SHISAL1: variants seen among roughly 807,000 people sequenced by gnomAD.
SHISAL1 encodes shisa like 1.
Under a neutral mutation model 22.6 loss-of-function variants are expected in SHISAL1, and 9 were observed. That is an observed-to-expected ratio of 0.40 (90% CI 0.24 to 0.70). The LOEUF is 0.70. Among genes scored for constraint, SHISAL1 ranks in the 30% least tolerant of loss-of-function variants. The pLI, the probability that SHISAL1 is intolerant of heterozygous loss-of-function variation, is 0.39. For synonymous variants in SHISAL1, 119 were observed against 115.4 expected (o/e 1.03, Z -0.20); for missense variants, 246 against 270.6 (o/e 0.91, Z 0.64).
chr22:44,305,384 T>C (rs766904321), intron 1 of SHISAL1, among the ~76,000 whole-genome samples: 2 of 152,204 alleles, frequency 1.3e-5, no homozygotes, highest in Non-Finnish European at 2.9e-5. Context: ...TACTAGGCCA[T>C]GAGGGTCCTG....
At chr22:44,284,840 C>A (rs907266689) in intron 4 of SHISAL1, among the ~76,000 whole-genome samples, 3 of 150,416 alleles carry the variant, frequency 2.0e-5, no homozygotes, top group African/African-American at 7.5e-5. Context: ...CTGAACATAA[C>A]CCTGGGGCAG....
At chr22:44,297,540 A>T (rs1212224522) in intron 2 of SHISAL1, among the ~76,000 whole-genome samples, 4 of 152,166 alleles carry the variant, frequency 2.6e-5, no homozygotes, top group African/African-American at 4.8e-5. Context: ...CTAGGCCCCA[A>T]GGTCCCCAAG....
intron 1 of SHISAL1, among the ~76,000 whole-genome samples, chr22:44,308,014 G>A (rs890709557): frequency 7.2e-5 from 11 of 152,280 alleles, no homozygotes; most frequent in East Asian, 5.8e-4. Context: ...ACGACCAAGC[G>A]CGACACCTCC....
chr22:44,260,544 A>G (rs1007261444), intron 4 of SHISAL1, among the ~76,000 whole-genome samples: 6 of 152,200 alleles, frequency 3.9e-5, no homozygotes, highest in African/African-American at 9.6e-5. Context: ...CTTGGAGAGG[A>G]GGTCCAGGTG....
At chr22:44,266,528 A>ATGGGTATGTGTGTGTGTGTGTGTG (rs370971639) in intron 4 of SHISAL1, among the ~76,000 whole-genome samples, 1 of 108,328 alleles carries the variant, frequency 9.2e-6, no homozygotes, top group African/African-American at 3.8e-5. Context: ...GCTTTGGGGT[A>ATGGGTATGTGTGTGTGTGTGTGTG]TGTGTGTGTG....
rs149553536 is a variant in SHISAL1 at position 44,284,372 on chromosome 22, C to T, written c.599+1056G>A. Reference sequence around the variant, plus strand: ...GTTAAGAGGGGTGAAATCTCATGCCCGAAGTCAAGGAGCAGGTAAATGGCA... The same window carrying T: ...GTTAAGAGGGGTGAAATCTCATGCCTGAAGTCAAGGAGCAGGTAAATGGCA... On this transcript the variant is annotated intron_variant, in intron 4 of 4. Coordinates refer to ENST00000381176, the MANE Select transcript of SHISAL1 (RefSeq NM_001099294.2). Among the ~76,000 whole-genome samples, 127 of 152,076 alleles carry T rather than the reference C, an allele frequency of 8.4e-4. 2 individuals are homozygous for T. The East Asian group carries it at 0.02, about 24-fold the overall frequency.
rs2055029847 is a variant in SHISAL1, at chr22:44,249,343, G to A, written c.*342C>T. On this transcript the variant is annotated 3_prime_UTR_variant, in exon 5 of 5. Coordinates refer to ENST00000381176, the MANE Select transcript of SHISAL1 (RefSeq NM_001099294.2). ...TTTCAACCACAGGTATAACTCACAG[G>A]CCTCAATCCTCCTGGCTGGAATCAG... 3.5e-6 allele frequency: 1 copy of A among 281,692 alleles called. No individual in the cohort carries two copies. The highest frequency in any genetic ancestry group is 6.7e-6 in the Non-Finnish European group (1 of 149,118). 17.4% of individuals were successfully genotyped at this position (281,692 alleles called of 1,614,324 possible). A position where few individuals can be genotyped will look rare whatever the true frequency, so the allele number is the denominator to read the frequency against.
In SHISAL1 at chr22:44,245,378, G is replaced by C. The variant is rs1166962562; in HGVS notation, c.*4307C>G. ...TGCCCAGGCTGGAGTGCACTGGTGC[G>C]ATCTCAGCTCACTGCAAGCTCTGCC... On this transcript the variant is annotated 3_prime_UTR_variant, in exon 5 of 5. Transcript: ENST00000381176. 6.6e-6 allele frequency: 1 copy of C among 152,230 alleles called. No individual in the cohort carries two copies. Among genetic ancestry groups the C allele is most frequent in the South Asian group, 2.1e-4 (1 of 4,830 alleles). The allele number at this position is 152,230 out of a possible 1,614,324, so 9.4% of individuals were successfully genotyped here. A position where few individuals can be genotyped will look rare whatever the true frequency, so the allele number is the denominator to read the frequency against.
intron 4 of SHISAL1, among the ~76,000 whole-genome samples, chr22:44,275,992 C>T (rs1237035461): frequency 6.6e-6 from 1 of 152,200 alleles, no homozygotes; most frequent in African/African-American, 2.4e-5. Context: ...GTTCTATGTG[C>T]TGGGGTCACA....
intron 4 of SHISAL1, among the ~76,000 whole-genome samples, chr22:44,254,393 C>A (rs1364212967): frequency 6.6e-6 from 1 of 151,940 alleles, no homozygotes; most frequent in African/African-American, 2.4e-5. Flanking sequence ...CAGGCTCTTG[C>A]TCTGTCACTC....
At chr22:44,254,559 G>C (rs115954567) in intron 4 of SHISAL1, among the ~76,000 whole-genome samples, 3,380 of 152,208 alleles carry the variant, frequency 0.022, 165 homozygotes, top group East Asian at 0.19. Context: ...ATGGGGTCTT[G>C]CTGTGTTGCC....
intron 4 of SHISAL1, among the ~76,000 whole-genome samples, chr22:44,274,015 C>G (rs775866467): frequency 6.6e-6 from 1 of 152,028 alleles, no homozygotes; most frequent in African/African-American, 2.4e-5. Context: ...GTCAGGAGTT[C>G]GAGACCAGCC....
rs2055023779 is a variant in SHISAL1, at chr22:44,248,650, A to C, written c.*1035T>G. ...CTCCCCGGGGGCAGAGATGAGATCT[A>C]ACTCATCTTTCATTCCCATCACTGC... On this transcript the variant is annotated 3_prime_UTR_variant, in exon 5 of 5. Coordinates refer to ENST00000381176, the MANE Select transcript of SHISAL1 (RefSeq NM_001099294.2). 1 of 152,158 alleles carries C rather than the reference A, an allele frequency of 6.6e-6. No individual in the cohort carries two copies. The highest frequency in any genetic ancestry group is 1.5e-5 in the Non-Finnish European group (1 of 68,028). The allele number at this position is 152,158 out of a possible 1,614,324, so 9.4% of individuals were successfully genotyped here. A position where few individuals can be genotyped will look rare whatever the true frequency, so the allele number is the denominator to read the frequency against.
At chr22:44,269,840 C>A (rs527612232) in intron 4 of SHISAL1, among the ~76,000 whole-genome samples, 2 of 152,192 alleles carry the variant, frequency 1.3e-5, no homozygotes, top group Non-Finnish European at 2.9e-5. Flanking sequence ...CTGGTGCTGG[C>A]GTCCCATGGT....
At chr22:44,330,119 C>T in the SHISAL1 span, among the ~76,000 whole-genome samples, 2 of 152,232 alleles carry the variant, frequency 1.3e-5, no homozygotes, top group African/African-American at 4.8e-5. Context: ...ATTTTATAGT[C>T]TAGTAAACTG....
At chr22:44,281,948 C>G (rs1395320982) in intron 4 of SHISAL1, among the ~76,000 whole-genome samples, 1 of 152,220 alleles carries the variant, frequency 6.6e-6, no homozygotes, top group East Asian at 1.9e-4. Context: ...CCACGCGATT[C>G]GGCAGCACTT....
At chr22:44,317,388 C>T (rs1294687329), upstream of SHISAL1, among the ~76,000 whole-genome samples, 4 of 152,226 alleles carry the variant, frequency 2.6e-5, no homozygotes, top group African/African-American at 9.6e-5. Flanking sequence ...GGCTGGACAG[C>T]GAGGGAAACA....
chr22:44,288,993 C>T (rs1436173121), intron 3 of SHISAL1, among the ~76,000 whole-genome samples: 2 of 152,254 alleles, frequency 1.3e-5, no homozygotes, highest in Non-Finnish European at 2.9e-5. Flanking sequence ...TAAATACTGA[C>T]ACCAACACAT....
intron 3 of SHISAL1, 71 bp from the exon 4 acceptor site, chr22:44,285,816 G>T: frequency 7.8e-7 from 1 of 1,280,316 alleles, no homozygotes; most frequent in African/African-American, 1.5e-5. Context: ...TCATCAGTGG[G>T]GCTGATTAGA....
Sources: gnomAD v4.1 joint callset for allele counts (sites outside exome capture counted in the v4.1 genomes callset) on GRCh38, gnomAD v4.1.1 for gene constraint, MANE v1.5 for transcripts, NCBI Gene and HGNC (gene_info 2026-07-23, HGNC 2026-07-21) for gene names.